Variants in CCSER1 observed in about 807,000 individuals in gnomAD.
CCSER1 encodes coiled-coil serine rich protein 1.
CCSER1 carries 41 observed loss-of-function variants against 82.0 expected under a neutral mutation model. That is an observed-to-expected ratio of 0.50 (90% CI 0.39 to 0.65). The LOEUF (loss-of-function observed/expected upper bound fraction) is 0.65. CCSER1 is among the 30% of genes least tolerant of loss of function. The pLI is 0.00. For missense variants in CCSER1, 1,119 were observed against 1,064.2 expected, an observed-to-expected ratio of 1.05 and a Z score of -0.72; for synonymous variants, 414 against 383.9, an observed-to-expected ratio of 1.08 and a Z score of -0.92.
intron 9 of CCSER1, among the ~76,000 whole-genome samples, chr4:91,008,624 G>C (rs62309831): frequency 1.3e-5 from 2 of 151,940 alleles, no homozygotes; most frequent in Non-Finnish European, 2.9e-5. Context: ...TGGAGGCATC[G>C]TATAGTTTGA....
intron 1 of CCSER1, among the ~76,000 whole-genome samples, chr4:90,220,279 G>A (rs911769455): frequency 6.6e-6 from 1 of 152,032 alleles, no homozygotes; most frequent in Admixed American, 6.6e-5. Context: ...GTCTTGGAAG[G>A]TATCCTCTGT....
At chr4:90,141,445 A>G (rs1419501628) in intron 1 of CCSER1, among the ~76,000 whole-genome samples, 1 of 152,246 alleles carries the variant, frequency 6.6e-6, no homozygotes, top group African/African-American at 2.4e-5. Flanking sequence ...TGTTTTACAT[A>G]ATATGTTAGT....
chr4:90,195,575 A>G (rs763473384), intron 1 of CCSER1, among the ~76,000 whole-genome samples: 77 of 152,222 alleles, frequency 5.1e-4, no homozygotes, highest in Non-Finnish European at 2.9e-4. Flanking sequence ...ACGCAAGACC[A>G]AGCATGAACT....
chr4:90,834,334 A>G (rs909680609), intron 8 of CCSER1, among the ~76,000 whole-genome samples: 1 of 152,224 alleles, frequency 6.6e-6, no homozygotes, highest in African/African-American at 2.4e-5. Context: ...CTCAAAGGGT[A>G]AATCAAATAT....
chr4:90,895,148 T>C (rs1241399928), intron 8 of CCSER1, among the ~76,000 whole-genome samples: 1 of 151,920 alleles, frequency 6.6e-6, no homozygotes, highest in Non-Finnish European at 1.5e-5. Flanking sequence ...TATATAAGAT[T>C]GTTATTCTTT....
chr4:90,527,142 A>G (rs1442808507), intron 5 of CCSER1, among the ~76,000 whole-genome samples: 1 of 152,224 alleles, frequency 6.6e-6, no homozygotes, highest in Non-Finnish European at 1.5e-5. Flanking sequence ...AAAAGAAACT[A>G]TCATCAGAGT....
intron 10 of CCSER1, among the ~76,000 whole-genome samples, chr4:91,309,617 A>G (rs1317067989): frequency 6.6e-6 from 1 of 150,780 alleles, no homozygotes; most frequent in Non-Finnish European, 1.5e-5. Flanking sequence ...TACATGTTAT[A>G]GAGCAATACT....
chr4:91,471,470 G>T (rs1447313134), intron 10 of CCSER1, among the ~76,000 whole-genome samples: 1 of 152,100 alleles, frequency 6.6e-6, no homozygotes, highest in Non-Finnish European at 1.5e-5. Flanking sequence ...GATGGATCTG[G>T]ATGTGCTACT....
At chr4:90,878,623 T>C (rs989469417) in intron 8 of CCSER1, among the ~76,000 whole-genome samples, 1 of 152,150 alleles carries the variant, frequency 6.6e-6, no homozygotes, top group Non-Finnish European at 1.5e-5. Context: ...TGAAAATCTT[T>C]ACACTATAGT....
intron 10 of CCSER1, among the ~76,000 whole-genome samples, chr4:91,536,097 T>C (rs1246910124): frequency 6.6e-6 from 1 of 152,100 alleles, no homozygotes; most frequent in East Asian, 1.9e-4. Context: ...ACATAAAACG[T>C]TTGTGAAATT....
At chr4:91,109,620 T>A (rs1725926604) in intron 10 of CCSER1, among the ~76,000 whole-genome samples, 1 of 152,126 alleles carries the variant, frequency 6.6e-6, no homozygotes, top group Non-Finnish European at 1.5e-5. Context: ...CAGGTGATAG[T>A]CATGTTGAAA....
chr4:90,863,831 T>G (rs1765393600), intron 8 of CCSER1, among the ~76,000 whole-genome samples: 1 of 151,768 alleles, frequency 6.6e-6, no homozygotes, highest in Non-Finnish European at 1.5e-5. Context: ...GCATGGTAGT[T>G]CTATGTAAAA....
chr4:90,622,922 G>A (rs1722599508), intron 5 of CCSER1, among the ~76,000 whole-genome samples: 1 of 151,926 alleles, frequency 6.6e-6, no homozygotes, highest in East Asian at 1.9e-4. Context: ...ATCCTCTCCA[G>A]CACCTGTTGT....
At chr4:91,378,996 C>G (rs1343724003) in intron 10 of CCSER1, among the ~76,000 whole-genome samples, 1 of 152,128 alleles carries the variant, frequency 6.6e-6, no homozygotes, top group Non-Finnish European at 1.5e-5. Flanking sequence ...TTTTCTGCAT[C>G]TATTGAGATA....
intron 9 of CCSER1, among the ~76,000 whole-genome samples, chr4:91,064,376 A>G (rs1166638379): frequency 6.6e-6 from 1 of 152,232 alleles, no homozygotes; most frequent in Non-Finnish European, 1.5e-5. Flanking sequence ...CTACACAACA[A>G]GCTCAGCAAG....
intron 10 of CCSER1, among the ~76,000 whole-genome samples, chr4:91,475,825 C>T (rs1489157722): frequency 1.3e-5 from 2 of 151,814 alleles, no homozygotes; most frequent in African/African-American, 4.8e-5. Flanking sequence ...CTCTGGTAAC[C>T]ACTATTCTAC....
intron 5 of CCSER1, among the ~76,000 whole-genome samples, chr4:90,609,592 A>T (rs1267517900): frequency 6.6e-6 from 1 of 152,214 alleles, no homozygotes; most frequent in Non-Finnish European, 1.5e-5. Context: ...AAGGAAAACT[A>T]TAGAGCATTG....
intron 10 of CCSER1, among the ~76,000 whole-genome samples, chr4:91,534,341 A>G (rs1259183005): frequency 2.0e-5 from 3 of 151,980 alleles, no homozygotes; most frequent in African/African-American, 7.2e-5. Flanking sequence ...CCTAAGTTAT[A>G]ATGGTTTTAA....
At chr4:90,367,351 G>C (rs558912606) in intron 3 of CCSER1, among the ~76,000 whole-genome samples, 1 of 151,762 alleles carries the variant, frequency 6.6e-6, no homozygotes, top group Admixed American at 6.6e-5. Context: ...ATAACTTAAA[G>C]TTTCTGTGTT....
Sources: allele counts gnomAD v4.1 joint callset (sites outside exome capture counted in the v4.1 genomes callset), GRCh38; gene constraint gnomAD v4.1.1; transcripts MANE v1.5; gene names NCBI Gene and HGNC (gene_info 2026-07-23, HGNC 2026-07-21).